CATSPERE: variants seen among roughly 807,000 people sequenced by gnomAD.
The protein encoded by CATSPERE is cation channel sperm-associated auxiliary subunit epsilon.
CATSPERE carries 93 observed loss-of-function variants against 114.1 expected under a neutral mutation model. The observed-to-expected ratio is 0.81, with a 90% CI of 0.69 to 0.97. CATSPERE has a LOEUF of 0.97. Among genes scored for constraint, CATSPERE ranks in the 50% least tolerant of loss-of-function variants. The pLI is 0.00. For synonymous variants in CATSPERE, 341 were observed against 384.1 expected (o/e 0.89, Z 1.31); for missense variants, 1,058 against 1,131.6 (o/e 0.93, Z 0.93).
intron 21 of CATSPERE, among the ~76,000 whole-genome samples, chr1:244,636,231 C>T (rs896208457): frequency 2.0e-5 from 3 of 152,088 alleles, no homozygotes; most frequent in African/African-American, 7.2e-5. Flanking sequence ...GTTAGGACCC[C>T]AAATGACTTT....
chr1:244,602,474 G>A (rs1266285524), intron 17 of CATSPERE, among the ~76,000 whole-genome samples: 3 of 152,142 alleles, frequency 2.0e-5, no homozygotes, highest in Non-Finnish European at 4.4e-5. Flanking sequence ...ATGCCTTAAC[G>A]TTATAGGGAA....
intron 20 of CATSPERE, among the ~76,000 whole-genome samples, 186 bp downstream of exon 20, chr1:244,617,872 T>G (rs2148708958): frequency 6.6e-6 from 1 of 152,316 alleles, no homozygotes; most frequent in East Asian, 1.9e-4. Flanking sequence ...GTTAATTAAA[T>G]TAATCAATTT....
rs1370638757 is a variant in CATSPERE, at chr1:244,610,233, T to G, written c.2404-7T>G. On this transcript the variant is annotated splice_region_variant and splice_polypyrimidine_tract_variant and intron_variant, in intron 18 of 21. Coordinates refer to ENST00000366534, the MANE Select transcript of CATSPERE (RefSeq NM_001130957.2). Reference sequence around the variant, plus strand: ...CCTACCCACATACATGTGCCATCTTTTGACAGAGTGGTTGTTTACATGAAG... The same window carrying G: ...CCTACCCACATACATGTGCCATCTTGTGACAGAGTGGTTGTTTACATGAAG... 5.6e-6 allele frequency: 9 copies of G among 1,593,158 alleles called. No individual in the cohort carries two copies. The highest frequency in any genetic ancestry group is 7.7e-6 in the Non-Finnish European group (9 of 1,167,258).
In CATSPERE at chr1:244,633,548, C is replaced by CA. The variant is rs1674237010; in HGVS notation, c.2649-1936dup. ...CAAAAACAGTCATGACTCCTTTATA[C>CA]AAAAAGGGTAAAGTCAAAATTCCTA... is the stretch of plus-strand genomic sequence containing the variant. On this transcript the variant is annotated intron_variant, in intron 20 of 21. Coordinates refer to ENST00000366534, the MANE Select transcript of CATSPERE (RefSeq NM_001130957.2). This position sits in a 1 kb window ranked among gnomAD's most constrained non-coding sequence, Gnocchi z 4.1. Among the ~76,000 whole-genome samples, 2 of 152,118 alleles carry CA rather than the reference C, an allele frequency of 1.3e-5. No homozygotes were observed. Among genetic ancestry groups the CA allele is most frequent in the Admixed American group, 6.6e-5 (1 of 15,258 alleles).
rs1466940792 is a variant in CATSPERE, at chr1:244,552,401, T to C, written c.616T>C (p.Cys206Arg). ...AGGAAACCAAGTTACTTTTCAGGAT[T>C]GCTTTATTGCAGATTTTCTTATTCT... ...IRGNQVTFQD[C>R]FIADFLILLT... The change falls in exon 9 of 22, where the codon TGC becomes CGC. Residue 206 changes from cysteine to arginine, a missense_variant. Transcript: ENST00000366534. The C allele has an allele frequency of 6.2e-7, 1 of 1,614,058 alleles. No individual in the cohort carries two copies. Among genetic ancestry groups the C allele is most frequent in the African/African-American group, 1.3e-5 (1 of 74,932 alleles).
At position 244,477,593 on chromosome 1, in the gene CATSPERE, C is replaced by G. The variant is rs747096802; in HGVS notation, c.167C>G (p.Thr56Ser). Residue 56 changes from threonine to serine, a missense_variant, in exon 3 of 22, where the codon ACT (threonine) becomes AGT (serine). Physicochemically the swap from Thr to Ser is moderately conservative, Grantham distance 58. Coordinates refer to ENST00000366534, the MANE Select transcript of CATSPERE (RefSeq NM_001130957.2). ...TTTACTGAGTGGAGTGTGCCAGAAACTTGTTTTGTGCTAAATAAAAGGTAA... is the reference window on the plus strand; with the variant it reads ...TTTACTGAGTGGAGTGTGCCAGAAAGTTGTTTTGTGCTAAATAAAAGGTAA... The part of the protein sequence containing the change: ...TLFTEWSVPE[T>S]CFVLNKSSPT... 9 of 1,597,046 alleles carry G rather than the reference C, an allele frequency of 5.6e-6. 1 individual carries two copies. In the South Asian group the frequency reaches 1.0e-4, roughly 18 times the overall value.
At chr1:244,499,169 G>C in intron 7 of CATSPERE, 90 bp downstream of exon 7, 1 of 925,216 alleles carries the variant, frequency 1.1e-6, no homozygotes, top group African/African-American at 1.7e-5. Context: ...CAATAGACAG[G>C]ATTTTAAGCT....
chr1:244,490,792 G>T (rs960499614), intron 6 of CATSPERE, among the ~76,000 whole-genome samples: 1 of 151,390 alleles, frequency 6.6e-6, no homozygotes, highest in Non-Finnish European at 1.5e-5. Flanking sequence ...TTAAAATATT[G>T]AGCATCCATT....
At position 244,640,129 on chromosome 1, in the gene CATSPERE, G is replaced by T; in HGVS notation, c.*48G>T. 7.1e-7 allele frequency: 1 copy of T among 1,404,554 alleles called. No homozygotes were observed. The allele number at this position is 1,404,554 out of a possible 1,614,324, so 87.0% of individuals were successfully genotyped here. A position where few individuals can be genotyped will look rare whatever the true frequency, so the allele number is the denominator to read the frequency against. On this transcript the variant is annotated 3_prime_UTR_variant, in exon 22 of 22. Coordinates refer to ENST00000366534, the MANE Select transcript of CATSPERE (RefSeq NM_001130957.2). ...ACAGATATATGCATATAGAGAAACA[G>T]TGTATTACATAGTGATATTGAGAGT...
chr1:244,468,765 T>C (rs1668007352), intron 2 of CATSPERE, among the ~76,000 whole-genome samples: 1 of 151,858 alleles, frequency 6.6e-6, no homozygotes, highest in African/African-American at 2.4e-5. Context: ...CAAATAATAA[T>C]AAAATATTAG....
chr1:244,460,709 T>C (rs1275850256), upstream of CATSPERE, among the ~76,000 whole-genome samples: 5 of 151,708 alleles, frequency 3.3e-5, no homozygotes, highest in Non-Finnish European at 5.9e-5. Context: ...AGGTCAGGAG[T>C]TGGAGACCAG....
At chr1:244,624,348 A>C (rs1345366279) in intron 20 of CATSPERE, among the ~76,000 whole-genome samples, 1 of 152,148 alleles carries the variant, frequency 6.6e-6, no homozygotes, top group Non-Finnish European at 1.5e-5. Context: ...GTAGCATGCG[A>C]TGCTGTTTGG....
chr1:244,483,473 A>G (rs906994189), intron 5 of CATSPERE, among the ~76,000 whole-genome samples: 1 of 152,132 alleles, frequency 6.6e-6, no homozygotes, highest in Non-Finnish European at 1.5e-5. Flanking sequence ...CCATTTTGCT[A>G]TATCCTCACC....
At chr1:244,490,386 A>G in intron 5 of CATSPERE, 61 bp from the exon 6 acceptor site, 1 of 1,108,854 alleles carries the variant, frequency 9.0e-7, no homozygotes, top group Admixed American at 2.0e-5. Context: ...TGAAAGTAGA[A>G]TATTCGACCT....
chr1:244,595,600 G>C (rs1029467934), intron 17 of CATSPERE, among the ~76,000 whole-genome samples: 1 of 152,164 alleles, frequency 6.6e-6, no homozygotes, highest in Non-Finnish European at 1.5e-5. Context: ...ACCACGGAAG[G>C]CCTTCTATCA....
chr1:244,463,140 A>C (rs1479709683), intron 1 of CATSPERE, among the ~76,000 whole-genome samples: 1 of 152,196 alleles, frequency 6.6e-6, no homozygotes, highest in Non-Finnish European at 1.5e-5. Flanking sequence ...TTACATGTTG[A>C]ATAAAACTTA....
Position 244,577,822 on chromosome 1 carries a change from T to G in CATSPERE, c.1951-3974T>G, listed in dbSNP as rs565819359. ...AACATTTATGAATATTACAAATACA[T>G]ACACATAAATAACAAACAAAAAGGC... On this transcript the variant is annotated intron_variant, in intron 11 of 21. Coordinates refer to ENST00000366534, the MANE Select transcript of CATSPERE (RefSeq NM_001130957.2). Among the ~76,000 whole-genome samples, 6 of 152,196 alleles carry G rather than the reference T, an allele frequency of 3.9e-5. No homozygotes were observed. The South Asian group carries it at 1.2e-3, about 32-fold the overall frequency.
At chr1:244,558,084 G>A (rs961835550) in intron 9 of CATSPERE, among the ~76,000 whole-genome samples, 4 of 150,442 alleles carry the variant, frequency 2.7e-5, no homozygotes, top group Non-Finnish European at 5.9e-5. Flanking sequence ...CCAAAGTGCT[G>A]AGATTACAGG....
intron 10 of CATSPERE, among the ~76,000 whole-genome samples, chr1:244,571,181 C>T (rs1225480094): frequency 6.6e-6 from 1 of 152,182 alleles, no homozygotes; most frequent in Non-Finnish European, 1.5e-5. Flanking sequence ...TTGTGATCTA[C>T]TGCATATATT....
Sources: gnomAD v4.1 joint callset for allele counts (sites outside exome capture counted in the v4.1 genomes callset) on GRCh38, gnomAD v4.1.1 for gene constraint, Gnocchi (gnomAD v3.1) non-coding constraint, MANE v1.5 for transcripts, NCBI Gene and HGNC (gene_info 2026-07-23, HGNC 2026-07-21) for gene names.